Variants in RASSF2 observed in about 807,000 individuals in gnomAD.
RASSF2 encodes Ras association domain family member 2, also known as ras association domain-containing protein 2.
In RASSF2, 34 loss-of-function variants were observed where a neutral mutation model predicts 46.3. That is an observed-to-expected ratio of 0.73 (90% CI 0.56 to 0.98). RASSF2 has a LOEUF of 0.98. Ranked by LOEUF, RASSF2 falls within the 50% of genes least tolerant of loss-of-function variation. The pLI is 0.00. For synonymous variants in RASSF2, 158 were observed against 162.5 expected (o/e 0.97, Z 0.21); for missense variants, 364 against 431.2 (o/e 0.84, Z 1.38).
intron 2 of RASSF2, among the ~76,000 whole-genome samples, chr20:4,814,766 G>C (rs1334756148): frequency 6.6e-6 from 1 of 152,192 alleles, no homozygotes; most frequent in Non-Finnish European, 1.5e-5. Flanking sequence ...GCAGATCTCA[G>C]ACCCCTCCTA....
Position 4,789,660 on chromosome 20 carries a change from T to A in RASSF2, c.575A>T (p.Asn192Ile). 1 of 1,614,046 alleles carries A rather than the reference T, an allele frequency of 6.2e-7. No individual in the cohort carries two copies. Among genetic ancestry groups the A allele is most frequent in the African/African-American group, 1.3e-5 (1 of 74,974 alleles). ...VFTPAYGSVT[N>I]VRINSTMTTP... is the part of the protein sequence containing the mutation. ...GGTCATGGTGCTGTTGATGCGGACG[T>A]TGGTGACAGAGCCATAGGCTGGTGT... is the stretch of plus-strand genomic sequence containing the variant. The change falls in exon 8 of 12, where the codon AAC becomes ATC. Residue 192 changes from asparagine to isoleucine, a missense_variant. Coordinates refer to ENST00000379400, the MANE Select transcript of RASSF2 (RefSeq NM_014737.3).
intron 2 of RASSF2, among the ~76,000 whole-genome samples, chr20:4,802,030 G>A (rs377287711): frequency 4.6e-5 from 7 of 152,136 alleles, no homozygotes; most frequent in South Asian, 4.1e-4. Context: ...GTGAGCCACC[G>A]CGCCCAGCAG....
intron 2 of RASSF2, chr20:4,815,168 C>A (rs1277567421): frequency 1.3e-5 from 2 of 152,228 alleles, no homozygotes; most frequent in Non-Finnish European, 2.9e-5. Context: ...TGACCCACTC[C>A]CGTGACCCCT....
chr20:4,801,311 A>G (rs1345543634), intron 2 of RASSF2, among the ~76,000 whole-genome samples: 2 of 152,174 alleles, frequency 1.3e-5, no homozygotes, highest in Non-Finnish European at 2.9e-5. Flanking sequence ...CCAAGCACAA[A>G]TGCCCCAGCC....
intron 2 of RASSF2, among the ~76,000 whole-genome samples, chr20:4,809,601 T>C (rs1249184443): frequency 6.6e-6 from 1 of 152,138 alleles, no homozygotes; most frequent in Admixed American, 6.5e-5. Flanking sequence ...CGGGTTATCA[T>C]GATTACTGCT....
intron 3 of RASSF2, among the ~76,000 whole-genome samples, chr20:4,799,885 G>A (rs1210426501): frequency 6.6e-6 from 1 of 152,244 alleles, no homozygotes; most frequent in East Asian, 1.9e-4. Context: ...GCCAAGGCGG[G>A]TGGATCACCT....
Position 4,795,653 on chromosome 20 carries a change from G to C in RASSF2, c.287+162C>G, listed in dbSNP as rs6052884. On this transcript the variant is annotated intron_variant, in intron 5 of 11. Coordinates refer to ENST00000379400, the MANE Select transcript of RASSF2 (RefSeq NM_014737.3). The surrounding 1 kb of genome is among the most constrained non-coding windows in gnomAD (Gnocchi z 4.0). Reference sequence around the variant, plus strand: ...GGGCTCAATCACAACCACATCTGCTGCTTGTTCCTCATTCCAAGGCTAAGG... The same window carrying C: ...GGGCTCAATCACAACCACATCTGCTCCTTGTTCCTCATTCCAAGGCTAAGG... The C allele has an allele frequency of 0.39, 305,963 of 785,922 alleles. 61,562 individuals are homozygous for C. The highest frequency in any genetic ancestry group is 0.47 in the Admixed American group (16,099 of 34,138). The allele number at this position is 785,922 out of a possible 1,614,324, so 48.7% of individuals were successfully genotyped here. A position where few individuals can be genotyped will look rare whatever the true frequency, so the allele number is the denominator to read the frequency against.
At chr20:4,786,153 C>A in intron 11 of RASSF2, 78 bp downstream of exon 11, 1 of 1,183,226 alleles carries the variant, frequency 8.5e-7, no homozygotes. Flanking sequence ...TCAGCACAGT[C>A]CCTGCGAGGA....
At chr20:4,785,155 C>CAAAAA (rs11454727) in intron 11 of RASSF2, among the ~76,000 whole-genome samples, 257 of 92,338 alleles carry the variant, frequency 2.8e-3, no homozygotes, top group Non-Finnish European at 3.7e-3. Context: ...ACTAAAAATA[C>CAAAAA]AAAAAAAAAA....
At chr20:4,784,578 G>A (rs1238501007) in intron 11 of RASSF2, among the ~76,000 whole-genome samples, 1 of 128,278 alleles carries the variant, frequency 7.8e-6, no homozygotes, top group Non-Finnish European at 1.6e-5. Flanking sequence ...TTTACTATGG[G>A]TAGAACATCT....
intron 2 of RASSF2, among the ~76,000 whole-genome samples, chr20:4,805,062 G>A (rs961014663): frequency 6.6e-6 from 1 of 152,092 alleles, no homozygotes; most frequent in Non-Finnish European, 1.5e-5. Context: ...GACCTGGTGA[G>A]GAGTCTGGAC....
rs1251628747 is a variant in RASSF2, at chr20:4,823,273, G to T, written c.-108+284C>A. ...CTTGCGCCGGGCATCCCGCGCCAGT[G>T]CCTCGCTCCCAGTGCCCCGCGCCCC... On this transcript the variant is annotated intron_variant, in intron 1 of 11. Transcript: ENST00000379400. 2.6e-5 allele frequency among the ~76,000 whole-genome samples: 4 copies of T among 152,142 alleles called. No individual in the cohort carries two copies. In the East Asian group the frequency reaches 7.8e-4, roughly 30 times the overall value.
chr20:4,792,844 G>A (rs942219557), intron 5 of RASSF2: 1 of 884,934 alleles, frequency 1.1e-6, no homozygotes, highest in Non-Finnish European at 1.6e-6. Flanking sequence ...GGGTGGGGCA[G>A]GGGGAGTTCC....
At chr20:4,823,318 C>T (rs1928848613) in intron 1 of RASSF2, among the ~76,000 whole-genome samples, 1 of 152,080 alleles carries the variant, frequency 6.6e-6, no homozygotes, top group Admixed American at 6.5e-5. Context: ...GCCTTGCCTT[C>T]ACCCCGGGCC....
rs903611301 is a variant in RASSF2, at chr20:4,812,958, C to G, written c.-33+9371G>C. Among the ~76,000 whole-genome samples the G allele has an allele frequency of 7.0e-4, 106 of 152,068 alleles. 1 individual carries two copies. The highest frequency in any genetic ancestry group is 2.4e-4 in the Non-Finnish European group (16 of 68,012). Reference sequence around the variant, plus strand: ...GATGGGAGGCGAGTGAGTGACCAGCCCAGAGGACAAGCTGTGGGAAAAGCA... The same window carrying G: ...GATGGGAGGCGAGTGAGTGACCAGCGCAGAGGACAAGCTGTGGGAAAAGCA... On this transcript the variant is annotated intron_variant, in intron 2 of 11. Transcript: ENST00000379400. The surrounding 1 kb of genome is among the most constrained non-coding windows in gnomAD (Gnocchi z 4.0).
At chr20:4,786,616 C>G (rs2122419575) in intron 10 of RASSF2, among the ~76,000 whole-genome samples, 1 of 152,292 alleles carries the variant, frequency 6.6e-6, no homozygotes, top group East Asian at 1.9e-4. Context: ...TCTTTTGACA[C>G]AGTGATGCAG....
intron 2 of RASSF2, among the ~76,000 whole-genome samples, chr20:4,801,954 G>T (rs991056600): frequency 6.6e-6 from 1 of 152,146 alleles, no homozygotes; most frequent in Non-Finnish European, 1.5e-5. Flanking sequence ...TGGCCAGGCT[G>T]GTCTCAAACT....
rs746297599 is a variant in RASSF2 at position 4,798,078 on chromosome 20, G to A, written c.67C>T (p.Leu23Phe). Residue 23 changes from leucine (L) to phenylalanine (F), a missense_variant, in exon 4 of 12, where the codon CTT becomes TTT. Leu to Phe is a conservative substitution (Grantham distance 22). Coordinates refer to ENST00000379400, the MANE Select transcript of RASSF2 (RefSeq NM_014737.3). ...GQDKYISKNE[L>F]LLHLKTYNLY... ...TTGTAGGTCTTCAGATGCAAGAGAA[G>A]TTCATTTCTTAGGGGGAAAAATAGA... 1 of 1,613,798 alleles carries A rather than the reference G, an allele frequency of 6.2e-7. No homozygotes were observed. Among genetic ancestry groups the A allele is most frequent in the South Asian group, 1.1e-5 (1 of 91,066 alleles).
intron 2 of RASSF2, among the ~76,000 whole-genome samples, chr20:4,813,465 G>C (rs529558455): frequency 1.3e-5 from 2 of 152,176 alleles, no homozygotes; most frequent in Non-Finnish European, 2.9e-5. Flanking sequence ...CCTGCCTCCA[G>C]CTCCACCCCA....
Sources: allele counts gnomAD v4.1 joint callset (sites outside exome capture counted in the v4.1 genomes callset), GRCh38; gene constraint gnomAD v4.1.1; non-coding constraint Gnocchi (gnomAD v3.1); transcripts MANE v1.5; gene names NCBI Gene and HGNC (gene_info 2026-07-23, HGNC 2026-07-21).